The following GOLGA5 variants were observed in gnomAD, a reference collection of about 807,000 sequenced individuals.
GOLGA5 encodes the protein golgin A5, also known as golgin subfamily A member 5.
Under a neutral mutation model 93.5 loss-of-function variants are expected in GOLGA5, and 50 were observed. The ratio of observed to expected loss-of-function variants is 0.53; its 90% confidence interval spans 0.43 to 0.68. GOLGA5 has a LOEUF of 0.68. Among genes scored for constraint, GOLGA5 ranks in the 30% least tolerant of loss-of-function variants. GOLGA5 has a pLI of 0.00. For missense variants in GOLGA5, 760 were observed against 856.4 expected (o/e 0.89, Z 1.40); for synonymous variants, 312 against 304.5 (o/e 1.02, Z -0.26).
At position 92,797,793 on chromosome 14, in the gene GOLGA5, A is replaced by G; in HGVS notation, c.356A>G (p.Asp119Gly). ...HFVRRKKSEPDDELLFDFLNS... is the reference protein window; with the variant it reads ...HFVRRKKSEPGDELLFDFLNS... ...GTGCGAAGAAAAAAGTCAGAACCTGATGATGAGCTGCTGTTTGATTTTCTT... is the reference window on the plus strand; with the variant it reads ...GTGCGAAGAAAAAAGTCAGAACCTGGTGATGAGCTGCTGTTTGATTTTCTT... The change falls in exon 2 of 13, where the codon GAT (aspartate) becomes GGT (glycine). Residue 119 changes from aspartate (D) to glycine (G), a missense_variant. By Grantham distance (94) the Asp-to-Gly change is moderately conservative. Coordinates refer to ENST00000163416, the MANE Select transcript of GOLGA5 (RefSeq NM_005113.4). 6.2e-7 allele frequency: 1 copy of G among 1,613,912 alleles called. No individual in the cohort carries two copies. Among genetic ancestry groups the G allele is most frequent in the Middle Eastern group, 1.7e-4 (1 of 6,060 alleles).
intron 2 of GOLGA5, among the ~76,000 whole-genome samples, chr14:92,798,203 C>T: frequency 6.6e-6 from 1 of 152,132 alleles, no homozygotes; most frequent in Non-Finnish European, 1.5e-5. Flanking sequence ...GGCAACTTCA[C>T]CCACTCAGCA....
At chr14:92,822,870 G>A (rs1009271174) in intron 8 of GOLGA5, among the ~76,000 whole-genome samples, 1 of 151,966 alleles carries the variant, frequency 6.6e-6, no homozygotes, top group South Asian at 2.1e-4. Context: ...TTGGCCAAGG[G>A]CTGGTCTCAA....
intron 2 of GOLGA5, among the ~76,000 whole-genome samples, chr14:92,805,583 G>T (rs1338375373): frequency 6.6e-6 from 1 of 152,174 alleles, no homozygotes; most frequent in African/African-American, 2.4e-5. Flanking sequence ...TTCCCCCAGT[G>T]ATTGTACCAT....
intron 6 of GOLGA5, among the ~76,000 whole-genome samples, chr14:92,814,751 C>T (rs1456991265): frequency 6.6e-6 from 1 of 151,932 alleles, no homozygotes; most frequent in African/African-American, 2.4e-5. Context: ...AGCTGCTGGT[C>T]CTTGTTGTTC....
At chr14:92,795,194 C>G (rs1884698149) in intron 1 of GOLGA5, among the ~76,000 whole-genome samples, 1 of 152,164 alleles carries the variant, frequency 6.6e-6, no homozygotes, top group Non-Finnish European at 1.5e-5. Flanking sequence ...CCCGCTCGGC[C>G]TCCCAGTGTG....
intron 8 of GOLGA5, among the ~76,000 whole-genome samples, chr14:92,821,307 A>G (rs1393133227): frequency 1.3e-5 from 2 of 152,058 alleles, no homozygotes; most frequent in Admixed American, 6.6e-5. Flanking sequence ...TCTTATACAG[A>G]CTCTTCTAAC....
chr14:92,831,346 C>G (rs985363241), intron 9 of GOLGA5, among the ~76,000 whole-genome samples: 1 of 152,144 alleles, frequency 6.6e-6, no homozygotes, highest in Non-Finnish European at 1.5e-5. Flanking sequence ...TTGGAAACAA[C>G]CCAAATGTCC....
chr14:92,839,042 A>G (rs185471933), intron 12 of GOLGA5, among the ~76,000 whole-genome samples: 4 of 152,358 alleles, frequency 2.6e-5, no homozygotes, highest in Admixed American at 2.0e-4. Context: ...TAACTGTTCT[A>G]AAAGTGTTTT....
intron 6 of GOLGA5, 38 bp downstream of exon 6, chr14:92,811,792 G>A: frequency 1.4e-6 from 2 of 1,436,844 alleles, no homozygotes; most frequent in Middle Eastern, 1.8e-4. Flanking sequence ...GTTAAGATGT[G>A]CAAGTTAACT....
rs1884762844 is a variant in GOLGA5, at chr14:92,797,564, A to T, written c.127A>T (p.Thr43Ser). Residue 43 changes from threonine (T) to serine (S), a missense_variant, in exon 2 of 13, where the codon ACT becomes TCT. By Grantham distance (58) the Thr-to-Ser change is moderately conservative. Coordinates refer to ENST00000163416, the MANE Select transcript of GOLGA5 (RefSeq NM_005113.4). ...SNIYSKNTDY[T>S]ELHQQNTDLI... ...CATATATAGCAAAAATACTGACTAT[A>T]CTGAACTTCACCAGCAAAATACAGA... is the stretch of plus-strand genomic sequence containing the variant. The T allele has an allele frequency of 6.2e-7, 1 of 1,613,382 alleles. No individual in the cohort carries two copies. Among genetic ancestry groups the T allele is most frequent in the Non-Finnish European group, 8.5e-7 (1 of 1,179,426 alleles).
chr14:92,821,507 T>C (rs547123031), intron 8 of GOLGA5, among the ~76,000 whole-genome samples: 8 of 152,334 alleles, frequency 5.3e-5, no homozygotes, highest in African/African-American at 1.4e-4. Flanking sequence ...AACATTGTTA[T>C]AGGCATTTAG....
intron 5 of GOLGA5, 25 bp downstream of exon 5, chr14:92,810,402 CT>C: frequency 6.6e-7 from 1 of 1,509,720 alleles, no homozygotes; most frequent in Non-Finnish European, 8.9e-7. Flanking sequence ...CAGCAGATTC[CT>C]ATTGTTACTT....
chr14:92,822,218 T>A (rs1306623203), intron 8 of GOLGA5, among the ~76,000 whole-genome samples: 1 of 152,232 alleles, frequency 6.6e-6, no homozygotes, highest in Non-Finnish European at 1.5e-5. Context: ...TTCTCACCTC[T>A]CTTGATTTTT....
At chr14:92,798,915 C>T (rs1052840096) in intron 2 of GOLGA5, among the ~76,000 whole-genome samples, 3 of 152,132 alleles carry the variant, frequency 2.0e-5, no homozygotes, top group African/African-American at 7.2e-5. Flanking sequence ...GACGCTGTCT[C>T]CAAAGATAAA....
chr14:92,834,366 C>G (rs184647586), intron 10 of GOLGA5, among the ~76,000 whole-genome samples: 167 of 152,112 alleles, frequency 1.1e-3, no homozygotes, highest in Admixed American at 3.7e-3. Context: ...TCCCCCAGCC[C>G]CACAACAGTC....
intron 11 of GOLGA5, among the ~76,000 whole-genome samples, chr14:92,836,495 G>A (rs1017240058): frequency 6.6e-6 from 1 of 152,064 alleles, no homozygotes; most frequent in Non-Finnish European, 1.5e-5. Flanking sequence ...TTGTGCTAGT[G>A]GCAATGAAAG....
intron 7 of GOLGA5, among the ~76,000 whole-genome samples, chr14:92,818,508 A>G (rs770932962): frequency 7.9e-5 from 12 of 152,202 alleles, no homozygotes; most frequent in Non-Finnish European, 1.6e-4. Flanking sequence ...CCTCTCAAGA[A>G]TTTGCCCGAT....
At chr14:92,810,828 C>A (rs1431959033) in intron 5 of GOLGA5, 2 of 155,904 alleles carry the variant, frequency 1.3e-5, no homozygotes, top group Non-Finnish European at 2.8e-5. Flanking sequence ...GTGGGAATCA[C>A]TTGTGTGATA....
chr14:92,814,442 G>A (rs897406152), intron 6 of GOLGA5, among the ~76,000 whole-genome samples: 1 of 152,014 alleles, frequency 6.6e-6, no homozygotes, highest in Non-Finnish European at 1.5e-5. Flanking sequence ...GAGGTCCCTG[G>A]GGACCTCTCA....
Sources: gnomAD v4.1 joint callset for allele counts (sites outside exome capture counted in the v4.1 genomes callset) on GRCh38, gnomAD v4.1.1 for gene constraint, MANE v1.5 for transcripts, NCBI Gene and HGNC (gene_info 2026-07-23, HGNC 2026-07-21) for gene names.